ZNF528: variants seen among roughly 807,000 people sequenced by gnomAD.
ZNF528 encodes zinc finger protein 528.
Under a neutral mutation model 13.3 loss-of-function variants are expected in ZNF528, and 9 were observed. That is an observed-to-expected ratio of 0.67 (90% confidence interval 0.41 to 1.18). The LOEUF (loss-of-function observed/expected upper bound fraction) is 1.18. Among genes scored for constraint, ZNF528 ranks in the 50% most tolerant of loss-of-function variants. ZNF528 has a pLI of 0.01. For synonymous variants in ZNF528, 264 were observed against 254.3 expected (o/e 1.04, Z -0.36); for missense variants, 858 against 745.4 (o/e 1.15, Z -1.76).
At chr19:52,403,913 A>G (rs1173104300) in intron 4 of ZNF528, among the ~76,000 whole-genome samples, 1 of 152,142 alleles carries the variant, frequency 6.6e-6, no homozygotes, top group Non-Finnish European at 1.5e-5. Context: ...TAATGAGCTG[A>G]TAGCTATAAG....
At chr19:52,401,585 C>A in intron 2 of ZNF528, 100 bp from the exon 3 acceptor site, 1 of 1,011,222 alleles carries the variant, frequency 9.9e-7, no homozygotes, top group Admixed American at 3.4e-5. Flanking sequence ...TTTCTGAGAG[C>A]GTTTTGTATT....
intron 6 of ZNF528, among the ~76,000 whole-genome samples, chr19:52,409,379 C>T (rs1196295973): frequency 6.6e-6 from 1 of 151,294 alleles, no homozygotes; most frequent in Non-Finnish European, 1.5e-5. Context: ...TATTGGCTCA[C>T]TGCAGCCTCC....
Position 52,412,247 on chromosome 19 carries a change from C to A in ZNF528, c.272-2877C>A, listed in dbSNP as rs560214707. 5 of 152,320 alleles carry A rather than the reference C, an allele frequency of 3.3e-5. No individual in the cohort carries two copies. The South Asian group carries it at 6.2e-4, about 19-fold the overall frequency. The allele number at this position is 152,320 out of a possible 1,614,324, so 9.4% of individuals were successfully genotyped here. ...AGCTAAGCAGTATATTCTCCTGGTT[C>A]AAAAACCCAAAGATCTTGTGACATT... is the stretch of plus-strand genomic sequence containing the variant. On this transcript the variant is annotated intron_variant, in intron 6 of 6. Transcript: ENST00000360465.
intron 6 of ZNF528, 183 bp downstream of exon 6, chr19:52,406,826 T>G: frequency 1.4e-6 from 1 of 710,074 alleles, no homozygotes; most frequent in Non-Finnish European, 2.1e-6. Context: ...CATGAGCCAC[T>G]GTACCCTGCA....
intron 6 of ZNF528, among the ~76,000 whole-genome samples, chr19:52,409,189 TG>T (rs2058897895): frequency 6.6e-6 from 1 of 152,198 alleles, no homozygotes; most frequent in Admixed American, 6.5e-5. Context: ...GTCTCTTTTT[TG>T]TTGCTGCTGT....
chr19:52,405,840 T>C (rs2058849226), intron 4 of ZNF528, 67 bp from the exon 5 acceptor site: 1 of 1,586,170 alleles, frequency 6.3e-7, no homozygotes, highest in Non-Finnish European at 8.6e-7. Flanking sequence ...AACGACTGTC[T>C]TCCCATTCTT....
intron 4 of ZNF528, chr19:52,402,395 TTTCTTTC>T (rs1184361105): frequency 9.8e-6 from 3 of 306,020 alleles, no homozygotes; most frequent in African/African-American, 6.5e-5. Flanking sequence ...TCAAAGTTCC[TTTCTTTC>T]TTCTTTCTTT....
At chr19:52,410,893 A>G (rs1022008083) in intron 6 of ZNF528, among the ~76,000 whole-genome samples, 5 of 152,206 alleles carry the variant, frequency 3.3e-5, no homozygotes, top group African/African-American at 1.2e-4. Flanking sequence ...TAGCCAATTA[A>G]TATCTCCTAG....
chr19:52,416,333 A>G lies in ZNF528; in HGVS notation c.1481A>G (p.Lys494Arg), dbSNP rs2122607108. 8 of 1,614,068 alleles carry G rather than the reference A, an allele frequency of 5.0e-6. No individual in the cohort carries two copies. The highest frequency in any genetic ancestry group is 6.8e-6 in the Non-Finnish European group (8 of 1,179,956). The change falls in exon 7 of 7, where the codon AAA (lysine) becomes AGA (arginine). Residue 494 changes from lysine (K) to arginine (R), a missense_variant. By Grantham distance (26) the Lys-to-Arg change is conservative (BLOSUM62 2). Transcript: ENST00000360465. ...ATTCATACTGGAGAGAAGCCTTACA[A>G]ATGTAACAGATGTGGCAAGGTCTTC... ...HRIHTGEKPYKCNRCGKVFSR... is the reference protein window; with the variant it reads ...HRIHTGEKPYRCNRCGKVFSR...
chr19:52,399,301 A>G (rs2058764188), intron 2 of ZNF528, among the ~76,000 whole-genome samples: 1 of 152,186 alleles, frequency 6.6e-6, no homozygotes, highest in Admixed American at 6.5e-5. Context: ...TAATTTTTCT[A>G]TAATATAAAA....
At chr19:52,410,275 C>G (rs1416571644) in intron 6 of ZNF528, among the ~76,000 whole-genome samples, 2 of 152,168 alleles carry the variant, frequency 1.3e-5, no homozygotes, top group Admixed American at 1.3e-4. Context: ...CAGGGGGCTC[C>G]TTGCTTCTAA....
intron 4 of ZNF528, among the ~76,000 whole-genome samples, chr19:52,403,508 A>C (rs2058819378): frequency 6.6e-6 from 1 of 152,050 alleles, no homozygotes; most frequent in Non-Finnish European, 1.5e-5. Context: ...AAAAGTAGAA[A>C]AATTAGCCAG....
rs761080509 is a variant in ZNF528 at position 52,415,626 on chromosome 19, A to T, written c.774A>T (p.Gln258His). 6.2e-7 allele frequency: 1 copy of T among 1,614,196 alleles called. No individual in the cohort carries two copies. The highest frequency in any genetic ancestry group is 1.3e-5 in the African/African-American group (1 of 75,070). The change falls in exon 7 of 7, where the codon CAA becomes CAT. Residue 258 changes from glutamine (Q) to histidine (H), a missense_variant. By Grantham distance (24) the Gln-to-His change is conservative. Coordinates refer to ENST00000360465, the MANE Select transcript of ZNF528 (RefSeq NM_032423.3). The part of the protein sequence containing the change: ...KLFSSNSNLS[Q>H]HQRIHTGEKP... The stretch of plus-strand genomic sequence containing the variant: ...TCAGTAGCAATTCAAACCTTTCACA[A>T]CATCAAAGAATTCATACTGGAGAGA...
chr19:52,416,108 G>C lies in ZNF528; in HGVS notation c.1256G>C (p.Ser419Thr). The C allele has an allele frequency of 6.2e-7, 1 of 1,613,980 alleles. No individual in the cohort carries two copies. The highest frequency in any genetic ancestry group is 1.1e-5 in the South Asian group (1 of 91,080). Residue 419 changes from serine (S) to threonine (T), a missense_variant, in exon 7 of 7, where the codon AGT (serine) becomes ACT (threonine). Coordinates refer to ENST00000360465, the MANE Select transcript of ZNF528 (RefSeq NM_032423.3). ...TGCAGTCAGTGTGGCAAGATCTTTA[G>C]TCAGAAATCAGACCTTATACGACAT... is the stretch of plus-strand genomic sequence containing the variant. Reference protein sequence around the residue: ...YGCSQCGKIFSQKSDLIRHRK... With the variant: ...YGCSQCGKIFTQKSDLIRHRK...
chr19:52,416,417 A>G lies in ZNF528; in HGVS notation c.1565A>G (p.Lys522Arg). The G allele has an allele frequency of 6.2e-7, 1 of 1,614,100 alleles. No homozygotes were observed. Among genetic ancestry groups the G allele is most frequent in the East Asian group, 2.2e-5 (1 of 44,878 alleles). Residue 522 changes from lysine to arginine, a missense_variant, in exon 7 of 7, where the codon AAA (lysine) becomes AGA (arginine). Lys to Arg is a conservative substitution (Grantham distance 26). Coordinates refer to ENST00000360465, the MANE Select transcript of ZNF528 (RefSeq NM_032423.3). ...ATTCATACAGGAGAAAAGCCTTACAAATGTAATCAATGTGGCAAGGTCTTT... is the reference window on the plus strand; with the variant it reads ...ATTCATACAGGAGAAAAGCCTTACAGATGTAATCAATGTGGCAAGGTCTTT... ...QKIHTGEKPY[K>R]CNQCGKVFNQ...
Position 52,417,518 on chromosome 19 carries a change from C to T in ZNF528, c.*779C>T, listed in dbSNP as rs140464332. Reference sequence around the variant, plus strand: ...TTAGTGGGAAGAGAGTAATAGGTTGCTAGTGTCTGATTATATGGTAGAAAT... The same window carrying T: ...TTAGTGGGAAGAGAGTAATAGGTTGTTAGTGTCTGATTATATGGTAGAAAT... On this transcript the variant is annotated 3_prime_UTR_variant, in exon 7 of 7. Coordinates refer to ENST00000360465, the MANE Select transcript of ZNF528 (RefSeq NM_032423.3). 1,092 of 152,702 alleles carry T rather than the reference C, an allele frequency of 7.2e-3. 17 individuals are homozygous for T. Among genetic ancestry groups the T allele is most frequent in the Middle Eastern group, 0.037 (11 of 294 alleles). The allele number at this position is 152,702 out of a possible 1,614,324, so 9.5% of individuals were successfully genotyped here. A position where few individuals can be genotyped will look rare whatever the true frequency, so the allele number is the denominator to read the frequency against.
chr19:52,416,457 C>T lies in ZNF528; in HGVS notation c.1605C>T (p.Tyr535=). 6.2e-7 allele frequency: 1 copy of T among 1,614,122 alleles called. No individual in the cohort carries two copies. The change falls in exon 7 of 7, where the codon TAC becomes TAT. Residue 535 remains tyrosine, a synonymous_variant. Coordinates refer to ENST00000360465, the MANE Select transcript of ZNF528 (RefSeq NM_032423.3). ...GCAAGGTCTTTAATCAAGCATCATA[C>T]CTTACAAGACATCAAATAATTCATA... ...QCGKVFNQAS[Y]LTRHQIIHTG...
chr19:52,415,298 A>G lies in ZNF528; in HGVS notation c.446A>G (p.Glu149Gly). The G allele has an allele frequency of 6.2e-7, 1 of 1,613,008 alleles. No homozygotes were observed. The change falls in exon 7 of 7, where the codon GAA becomes GGA. Residue 149 changes from glutamate (E) to glycine (G), a missense_variant. Physicochemically the swap from Glu to Gly is moderately conservative, Grantham distance 98. Transcript: ENST00000360465. ...GACAATTCCTCAGTTTCACCGCTTGAAAAAATTTCTTCCAGTGTCAAATCC... is the reference window on the plus strand; with the variant it reads ...GACAATTCCTCAGTTTCACCGCTTGGAAAAATTTCTTCCAGTGTCAAATCC... ...VSDNSSVSPL[E>G]KISSSVKSHL... is the part of the protein sequence containing the mutation.
chr19:52,415,007 A>G, intron 6 of ZNF528, 117 bp from the exon 7 acceptor site: 1 of 1,558,586 alleles, frequency 6.4e-7, no homozygotes, highest in African/African-American at 1.4e-5. Context: ...GATACACACA[A>G]TACCCTGATA....
Sources: gnomAD v4.1 joint callset for allele counts (sites outside exome capture counted in the v4.1 genomes callset) on GRCh38, gnomAD v4.1.1 for gene constraint, MANE v1.5 for transcripts, NCBI Gene and HGNC (gene_info 2026-07-23, HGNC 2026-07-21) for gene names.